The following RIMS2 variants were observed in gnomAD, a reference collection of about 807,000 sequenced individuals.
RIMS2 encodes regulating synaptic membrane exocytosis 2.
A neutral mutation model predicts 174.4 loss-of-function variants in RIMS2; 59 were observed. The observed-to-expected ratio is 0.34, with a 90% CI of 0.27 to 0.42. RIMS2 has a LOEUF of 0.42. RIMS2 is among the 10% of genes least tolerant of loss of function. The pLI is 1.00. For synonymous variants in RIMS2, 606 were observed against 572.5 expected (o/e 1.06, Z -0.84); for missense variants, 1,620 against 1,666.3 (o/e 0.97, Z 0.48).
chr8:103,598,843 A>T (rs923194863), intron 1 of RIMS2, among the ~76,000 whole-genome samples: 10 of 152,168 alleles, frequency 6.6e-5, no homozygotes, highest in African/African-American at 2.4e-4. Context: ...GGCTTTGCTG[A>T]CAGGTAGTTC....
intron 3 of RIMS2, among the ~76,000 whole-genome samples, chr8:103,795,841 C>G (rs2098546222): frequency 2.0e-5 from 3 of 152,260 alleles, no homozygotes; most frequent in East Asian, 3.9e-4. Flanking sequence ...TTTCCAAGTA[C>G]TAGACTTGTA....
chr8:104,109,484 A>G (rs190645588), intron 19 of RIMS2, among the ~76,000 whole-genome samples: 1 of 150,016 alleles, frequency 6.7e-6, no homozygotes, highest in African/African-American at 2.5e-5. Flanking sequence ...TACTGGGGAT[A>G]ATAATAGTAA....
At chr8:104,094,457 A>G in intron 19 of RIMS2, 1 of 595,432 alleles carries the variant, frequency 1.7e-6, no homozygotes, top group East Asian at 2.9e-5. Flanking sequence ...GCATGCCTTC[A>G]ATTTCTGTTG....
At chr8:104,141,800 A>C (rs73699077) in intron 19 of RIMS2, among the ~76,000 whole-genome samples, 16 of 152,280 alleles carry the variant, frequency 1.1e-4, no homozygotes, top group African/African-American at 3.9e-4. Flanking sequence ...GACTGGGTTC[A>C]TCATTCAGGG....
chr8:104,173,983 G>A (rs994745469), intron 19 of RIMS2, among the ~76,000 whole-genome samples: 3 of 149,084 alleles, frequency 2.0e-5, no homozygotes, highest in South Asian at 2.1e-4. Flanking sequence ...AGTTTCTCTC[G>A]TCACCCAGGC....
intron 3 of RIMS2, among the ~76,000 whole-genome samples, chr8:103,839,117 T>C (rs928217874): frequency 1.3e-5 from 2 of 152,194 alleles, no homozygotes; most frequent in Non-Finnish European, 2.9e-5. Context: ...TTTCCTACTT[T>C]ATCCACTTTT....
chr8:103,942,673 A>G, intron 13 of RIMS2, 100 bp from the exon 16 acceptor site: 1 of 818,146 alleles, frequency 1.2e-6, no homozygotes, highest in South Asian at 2.7e-5. Flanking sequence ...ATGTAATAGC[A>G]TTACTATTAT....
chr8:103,564,053 G>A (rs2092006849), intron 1 of RIMS2, among the ~76,000 whole-genome samples: 1 of 152,156 alleles, frequency 6.6e-6, no homozygotes, highest in Admixed American at 6.5e-5. Flanking sequence ...CCATATCATG[G>A]CCTTAAATCA....
chr8:104,039,502 A>C (rs2096573061), intron 19 of RIMS2, among the ~76,000 whole-genome samples: 1 of 151,774 alleles, frequency 6.6e-6, no homozygotes, highest in South Asian at 2.1e-4. Flanking sequence ...ATAGGAAAAT[A>C]CTAGATGAAG....
At chr8:103,540,131 C>T (rs540311272) in intron 1 of RIMS2, among the ~76,000 whole-genome samples, 26 of 152,332 alleles carry the variant, frequency 1.7e-4, no homozygotes, top group African/African-American at 5.8e-4. Context: ...ATCTCAGAGC[C>T]ATAGGTACTC....
At chr8:103,985,473 C>CA (rs58750334) in intron 16 of RIMS2, among the ~76,000 whole-genome samples, 533 of 36,154 alleles carry the variant, frequency 0.015, 73 homozygotes, top group East Asian at 0.058. Context: ...GACTCTGTCT[C>CA]AAAAAAAAAA....
intron 18 of RIMS2, 45 bp downstream of exon 20, chr8:104,013,666 G>A (rs750490006): frequency 6.6e-7 from 1 of 1,518,378 alleles, no homozygotes. Flanking sequence ...TGCCCCACCA[G>A]CACACCATTT....
At chr8:103,958,393 G>A (rs886669906) in intron 14 of RIMS2, among the ~76,000 whole-genome samples, 1 of 152,068 alleles carries the variant, frequency 6.6e-6, no homozygotes, top group Non-Finnish European at 1.5e-5. Context: ...ACAGACCCTG[G>A]GGTCTACTTG....
At chr8:103,614,192 C>A (rs1480305955) in intron 1 of RIMS2, among the ~76,000 whole-genome samples, 1 of 152,242 alleles carries the variant, frequency 6.6e-6, no homozygotes, top group Admixed American at 6.5e-5. Context: ...GTAAGTCTTG[C>A]CAAGAAACTT....
At chr8:104,237,540 A>T (rs2099264936) in intron 19 of RIMS2, among the ~76,000 whole-genome samples, 1 of 152,174 alleles carries the variant, frequency 6.6e-6, no homozygotes, top group Admixed American at 6.6e-5. Flanking sequence ...CAGAGGTGGG[A>T]ATAAAGTGAA....
chr8:103,895,627 T>C (rs1023900221), intron 4 of RIMS2, among the ~76,000 whole-genome samples: 8 of 151,600 alleles, frequency 5.3e-5, no homozygotes, highest in African/African-American at 2.0e-4. Flanking sequence ...AGTCAGTTTC[T>C]TTGAATGATT....
intron 19 of RIMS2, among the ~76,000 whole-genome samples, chr8:104,146,328 A>G (rs1599897250): frequency 6.6e-6 from 1 of 152,056 alleles, no homozygotes. Flanking sequence ...ACGATGAGCT[A>G]TGATTGCACC....
chr8:103,673,081 T>G (rs993295144), intron 1 of RIMS2, among the ~76,000 whole-genome samples: 3 of 152,104 alleles, frequency 2.0e-5, no homozygotes, highest in Non-Finnish European at 2.9e-5. Context: ...CTCCAAGAAA[T>G]CTCCTTTGAC....
intron 1 of RIMS2, among the ~76,000 whole-genome samples, chr8:103,548,587 C>T (rs959373069): frequency 2.6e-5 from 4 of 152,128 alleles, no homozygotes; most frequent in Admixed American, 6.5e-5. Context: ...AAGCTGGAAA[C>T]ATTTATCTTG....
Sources: gnomAD v4.1 joint callset for allele counts (sites outside exome capture counted in the v4.1 genomes callset) on GRCh38, gnomAD v4.1.1 for gene constraint, MANE v1.5 for transcripts, NCBI Gene and HGNC (gene_info 2026-07-23, HGNC 2026-07-21) for gene names.